The following SLC8A1 variants were observed in gnomAD, a reference collection of about 807,000 sequenced individuals.
SLC8A1 encodes sodium/calcium exchanger 1.
SLC8A1 carries 18 observed loss-of-function variants against 68.3 expected under a neutral mutation model. The ratio of observed to expected loss-of-function variants is 0.26; its 90% CI spans 0.18 to 0.39. SLC8A1 has a LOEUF of 0.39. Ranked by LOEUF, SLC8A1 falls within the 10% of genes least tolerant of loss-of-function variation. The pLI, the probability that SLC8A1 is intolerant of heterozygous loss-of-function variation, is 1.00. For synonymous variants in SLC8A1, 475 were observed against 415.5 expected (o/e 1.14, Z -1.74); for missense variants, 985 against 1,156.7 (o/e 0.85, Z 2.15).
chr2:40,262,481 T>C (rs1429635670), intron 2 of SLC8A1, among the ~76,000 whole-genome samples: 1 of 152,200 alleles, frequency 6.6e-6, no homozygotes, highest in Non-Finnish European at 1.5e-5. Context: ...AATCCAGCAA[T>C]ATCTAACTTA....
intron 2 of SLC8A1, chr2:40,250,910 G>A (rs1250505858): frequency 6.6e-6 from 1 of 152,120 alleles, no homozygotes; most frequent in Non-Finnish European, 1.5e-5. Flanking sequence ...TACTAAGGAG[G>A]GTCAGAATTT....
chr2:40,347,578 T>A (rs977096949), intron 2 of SLC8A1, among the ~76,000 whole-genome samples: 19 of 152,344 alleles, frequency 1.2e-4, no homozygotes, highest in African/African-American at 4.6e-4. Flanking sequence ...TACAGAGGTG[T>A]TGGGAATATT....
chr2:40,224,084 G>T (rs1053384703), intron 2 of SLC8A1, among the ~76,000 whole-genome samples: 1 of 152,112 alleles, frequency 6.6e-6, no homozygotes, highest in Non-Finnish European at 1.5e-5. Context: ...TGGAATGTTC[G>T]CTTCGTAGGG....
chr2:40,107,346 T>TATGTTTGGA (rs1464676985), exon 8 of SLC8A1: 1 of 149,428 alleles, frequency 6.7e-6, no homozygotes, highest in African/African-American at 2.5e-5. Context: ...TGCTCAGTGC[T>TATGTTTGGA]ATGTTTGGAG....
chr2:40,261,492 A>G (rs2064691665), intron 2 of SLC8A1, among the ~76,000 whole-genome samples: 3 of 152,210 alleles, frequency 2.0e-5, no homozygotes, highest in Non-Finnish European at 4.4e-5. Context: ...TGAAAATTTT[A>G]GGCTGTTTTG....
At chr2:40,231,077 T>G (rs1011320885) in intron 2 of SLC8A1, among the ~76,000 whole-genome samples, 4 of 152,200 alleles carry the variant, frequency 2.6e-5, no homozygotes, top group African/African-American at 9.6e-5. Context: ...GACTCATAGC[T>G]TCTACATTCT....
At position 40,408,021 on chromosome 2, in the gene SLC8A1, G is replaced by A. The variant is rs535493825; in HGVS notation, c.1808+20452C>T. Among the ~76,000 whole-genome samples the A allele has an allele frequency of 2.4e-4, 37 of 152,254 alleles. No homozygotes were observed. The South Asian group carries it at 7.5e-3, about 31-fold the overall frequency. On this transcript the variant is annotated intron_variant, in intron 2 of 7. Coordinates refer to ENST00000406785, the Ensembl canonical transcript of SLC8A1. ...GCATCACAGAGCATATCCCATAAGTGATAAAGTCACAAATATGTTACCCCC... is the reference window on the plus strand; with the variant it reads ...GCATCACAGAGCATATCCCATAAGTAATAAAGTCACAAATATGTTACCCCC...
intron 2 of SLC8A1, among the ~76,000 whole-genome samples, chr2:40,399,986 T>C (rs1013073285): frequency 4.6e-5 from 7 of 152,252 alleles, no homozygotes; most frequent in Admixed American, 1.3e-4. Context: ...ATTACAGACA[T>C]TGTATAGAAA....
exon 8 of SLC8A1, chr2:40,104,966 A>C (rs2034106248): frequency 6.6e-6 from 1 of 152,016 alleles, no homozygotes; most frequent in Admixed American, 6.6e-5. Context: ...CTGTTTGGTG[A>C]GTACAATGTT....
chr2:40,458,032 G>A (rs1382280441), intron 1 of SLC8A1, among the ~76,000 whole-genome samples: 1 of 152,178 alleles, frequency 6.6e-6, no homozygotes, highest in South Asian at 2.1e-4. Flanking sequence ...TCGAGTCTGG[G>A]CACTGTTTTG....
upstream of SLC8A1, among the ~76,000 whole-genome samples, chr2:40,452,474 C>G (rs1031628211): frequency 6.6e-6 from 1 of 152,178 alleles, no homozygotes; most frequent in Non-Finnish European, 1.5e-5. Flanking sequence ...ATCGATGACA[C>G]GCGCACACAG....
At chr2:40,155,047 C>T (rs2044208682) in intron 6 of SLC8A1, among the ~76,000 whole-genome samples, 1 of 151,956 alleles carries the variant, frequency 6.6e-6, no homozygotes, top group Admixed American at 6.6e-5. Flanking sequence ...ATGAGAAATC[C>T]CATTGGTAAC....
At chr2:40,322,952 G>A (rs977254031) in intron 2 of SLC8A1, among the ~76,000 whole-genome samples, 14 of 151,812 alleles carry the variant, frequency 9.2e-5, no homozygotes, top group East Asian at 1.9e-4. Context: ...CATATTTAGC[G>A]TTGTTCAGAA....
chr2:40,223,805 T>A (rs75218831), intron 2 of SLC8A1: 6 of 150,904 alleles, frequency 4.0e-5, no homozygotes, highest in Non-Finnish European at 8.9e-5. Flanking sequence ...TAAGTAACTA[T>A]TTTTTTTTAA....
chr2:40,125,421 A>G (rs946969401), intron 7 of SLC8A1, among the ~76,000 whole-genome samples: 4 of 152,248 alleles, frequency 2.6e-5, no homozygotes, highest in South Asian at 2.1e-4. Flanking sequence ...TTCACCCACT[A>G]TGAAAGTTTG....
chr2:40,314,522 A>T (rs185605025), intron 2 of SLC8A1, among the ~76,000 whole-genome samples: 154 of 151,996 alleles, frequency 1.0e-3, no homozygotes, highest in African/African-American at 3.4e-3. Context: ...AGCTTGAAAA[A>T]TTTACACCAA....
chr2:40,156,360 G>GTTTTTTTTTT (rs71404280), intron 6 of SLC8A1, among the ~76,000 whole-genome samples: 12,260 of 138,896 alleles, frequency 0.088, 587 homozygotes, highest in Admixed American at 0.14. Context: ...AACTGCTGGA[G>GTTTTTTTTTT]TTTTTTTTTT....
At chr2:40,164,878 G>A (rs763409407) in exon 5 of SLC8A1, 1 of 1,613,876 alleles carries the variant, frequency 6.2e-7, no homozygotes. Context: ...ATTCTTCAAT[G>A]ATCACTTCCA....
chr2:40,274,826 G>T (rs922214321), intron 2 of SLC8A1, among the ~76,000 whole-genome samples: 17 of 152,272 alleles, frequency 1.1e-4, no homozygotes, highest in Non-Finnish European at 1.9e-4. Context: ...AGTGGAGGCG[G>T]CTTGTCAGAA....
Sources: allele counts gnomAD v4.1 joint callset (sites outside exome capture counted in the v4.1 genomes callset), GRCh38; gene constraint gnomAD v4.1.1; transcripts MANE v1.5; gene names NCBI Gene and HGNC (gene_info 2026-07-23, HGNC 2026-07-21).